CDH4: variants seen among roughly 807,000 people sequenced by gnomAD.
The protein encoded by CDH4 is cadherin-4.
A neutral mutation model predicts 86.0 loss-of-function variants in CDH4; 33 were observed. The observed-to-expected ratio is 0.38, with a 90% confidence interval of 0.29 to 0.51. CDH4 has a LOEUF of 0.51. Ranked by LOEUF, CDH4 falls within the 20% of genes least tolerant of loss-of-function variation. The pLI is 0.86. For missense variants in CDH4, 1,114 were observed against 1,307.4 expected (o/e 0.85, Z 2.28); for synonymous variants, 555 against 549.4 (o/e 1.01, Z -0.14).
chr20:61,485,060 C>T lies in CDH4; in HGVS notation c.169+230123C>T, dbSNP rs1057179831. The stretch of plus-strand genomic sequence containing the variant: ...AAATAAGAATTTCATCCCTTTCCAA[C>T]GGCAGCTTCATTTCGTGAAATGAAT... On this transcript the variant is annotated intron_variant, in intron 2 of 15. Transcript: ENST00000614565. Among the ~76,000 whole-genome samples, 8 of 152,160 alleles carry T rather than the reference C, an allele frequency of 5.3e-5. No homozygotes were observed. The East Asian group carries it at 1.5e-3, about 29-fold the overall frequency.
chr20:61,481,370 A>C (rs891362844), intron 2 of CDH4, among the ~76,000 whole-genome samples: 1 of 152,226 alleles, frequency 6.6e-6, no homozygotes, highest in Non-Finnish European at 1.5e-5. Context: ...CCTGGTCTGC[A>C]CTTGTCTGAG....
At chr20:61,540,577 T>C (rs1035287859) in intron 2 of CDH4, among the ~76,000 whole-genome samples, 3 of 152,098 alleles carry the variant, frequency 2.0e-5, no homozygotes, top group Admixed American at 2.0e-4. Context: ...CCATACGAAA[T>C]GCCGGCAGGA....
At chr20:61,843,808 T>C (rs1025727965) in intron 4 of CDH4, among the ~76,000 whole-genome samples, 3 of 152,070 alleles carry the variant, frequency 2.0e-5, no homozygotes, top group Non-Finnish European at 4.4e-5. Context: ...AGAAAAAAAG[T>C]AGTATATGCT....
chr20:61,895,261 G>T lies in CDH4; in HGVS notation c.1188+214G>T, dbSNP rs368396310. Among the ~76,000 whole-genome samples the T allele has an allele frequency of 1.1e-3, 162 of 152,364 alleles. 5 individuals are homozygous for T. The South Asian group carries it at 0.031, about 29-fold the overall frequency. On this transcript the variant is annotated intron_variant, in intron 8 of 15. Transcript: ENST00000614565. Reference sequence around the variant, plus strand: ...AGAGGCCGGGGCTCAGTCAGGGAGGGGACCGGCGGCGGAGGTCGGTTGCCA... The same window carrying T: ...AGAGGCCGGGGCTCAGTCAGGGAGGTGACCGGCGGCGGAGGTCGGTTGCCA...
In CDH4 at chr20:61,811,000, T is replaced by A. The variant is rs1980406435; in HGVS notation, c.577-33668T>A. Among the ~76,000 whole-genome samples the A allele has an allele frequency of 6.6e-6, 1 of 152,142 alleles. No individual in the cohort carries two copies. Among genetic ancestry groups the A allele is most frequent in the Non-Finnish European group, 1.5e-5 (1 of 68,024 alleles). On this transcript the variant is annotated intron_variant, in intron 4 of 15. Coordinates refer to ENST00000614565, the MANE Select transcript of CDH4 (RefSeq NM_001794.5). The surrounding 1 kb of genome is among the most constrained non-coding windows in gnomAD (Gnocchi z 4.3). Reference sequence around the variant, plus strand: ...GTAACGGGAGCTAGAAAGGAATCAGTCAAACGAACTCATGGCTCTTCATCC... The same window carrying A: ...GTAACGGGAGCTAGAAAGGAATCAGACAAACGAACTCATGGCTCTTCATCC...
At chr20:61,576,754 A>G (rs2086385144) in intron 2 of CDH4, among the ~76,000 whole-genome samples, 1 of 152,200 alleles carries the variant, frequency 6.6e-6, no homozygotes, top group South Asian at 2.1e-4. Flanking sequence ...CTGGGTGCTC[A>G]GAAATGTCAG....
chr20:61,740,217 G>A lies in CDH4; in HGVS notation c.170-3346G>A, dbSNP rs74596838. Among the ~76,000 whole-genome samples the A allele has an allele frequency of 6.7e-3, 1,019 of 152,276 alleles. 13 individuals are homozygous for A. The highest frequency in any genetic ancestry group is 0.022 in the African/African-American group (930 of 41,568). On this transcript the variant is annotated intron_variant, in intron 2 of 15. Coordinates refer to ENST00000614565, the MANE Select transcript of CDH4 (RefSeq NM_001794.5). ...AGCTTCCCAGTAGCCTAAGTAAAGA[G>A]GGAAACCATTTTTAGGCAATTCACA... is the stretch of plus-strand genomic sequence containing the variant.
chr20:61,349,330 G>A (rs904443657), intron 2 of CDH4, among the ~76,000 whole-genome samples: 2 of 152,244 alleles, frequency 1.3e-5, no homozygotes, highest in Admixed American at 1.3e-4. Context: ...CCCCAGCTCC[G>A]CAGCCGGGTG....
chr20:61,294,037 G>A (rs568656990), intron 2 of CDH4, among the ~76,000 whole-genome samples: 18 of 152,242 alleles, frequency 1.2e-4, no homozygotes, highest in African/African-American at 2.6e-4. Context: ...TGAAGGCCCC[G>A]GCAGGACAGG....
chr20:61,438,569 G>C (rs919777144), intron 2 of CDH4, among the ~76,000 whole-genome samples: 4 of 152,226 alleles, frequency 2.6e-5, no homozygotes, highest in African/African-American at 9.6e-5. Flanking sequence ...GTTGGCCATA[G>C]TCCTTAACTG....
intron 4 of CDH4, among the ~76,000 whole-genome samples, chr20:61,792,033 G>C (rs957590822): frequency 6.6e-6 from 1 of 152,142 alleles, no homozygotes; most frequent in African/African-American, 2.4e-5. Context: ...GATGCCTTTG[G>C]CTGCCTGGTG....
intron 8 of CDH4, among the ~76,000 whole-genome samples, chr20:61,906,684 C>T (rs1276230929): frequency 7.2e-5 from 11 of 151,968 alleles, no homozygotes; most frequent in Admixed American, 5.9e-4. Context: ...TGGGGCAAGA[C>T]GGTGTCCCCA....
chr20:61,858,862 T>A (rs1983190314), intron 6 of CDH4, among the ~76,000 whole-genome samples: 1 of 152,208 alleles, frequency 6.6e-6, no homozygotes, highest in South Asian at 2.1e-4. Context: ...TGAGCTGCTC[T>A]GAGCACCCAT....
chr20:61,468,508 G>T (rs1037188162), intron 2 of CDH4, among the ~76,000 whole-genome samples: 2 of 152,016 alleles, frequency 1.3e-5, no homozygotes, highest in African/African-American at 4.8e-5. Flanking sequence ...GGTAAATAAG[G>T]TATCCATCAC....
chr20:61,706,010 C>T lies in CDH4; in HGVS notation c.170-37553C>T, dbSNP rs369532607. Among the ~76,000 whole-genome samples the T allele has an allele frequency of 1.0e-3, 154 of 152,338 alleles. 1 individual carries two copies. Among genetic ancestry groups the T allele is most frequent in the African/African-American group, 3.6e-3 (149 of 41,592 alleles). The stretch of plus-strand genomic sequence containing the variant: ...TCTCCCCCACGGGTGCTGGCTTGGA[C>T]TGGACTTGGGATCTGAAAGCCCTGT... On this transcript the variant is annotated intron_variant, in intron 2 of 15. Transcript: ENST00000614565.
intron 9 of CDH4, among the ~76,000 whole-genome samples, chr20:61,912,348 A>G (rs2054860083): frequency 6.6e-6 from 1 of 152,214 alleles, no homozygotes; most frequent in African/African-American, 2.4e-5. Flanking sequence ...TTTCTCCAGG[A>G]TCTGTGTCTT....
intron 2 of CDH4, among the ~76,000 whole-genome samples, chr20:61,514,129 G>A (rs1248859325): frequency 1.3e-5 from 2 of 152,220 alleles, no homozygotes; most frequent in African/African-American, 4.8e-5. Context: ...AGTGAGGGCT[G>A]ACAGGTCATA....
chr20:61,461,275 G>A (rs1419651960), intron 2 of CDH4, among the ~76,000 whole-genome samples: 10 of 152,024 alleles, frequency 6.6e-5, no homozygotes, highest in Non-Finnish European at 1.2e-4. Flanking sequence ...AGCCTTATGC[G>A]TTCCCTGCAA....
At chr20:61,903,040 A>G (rs1359273260) in intron 8 of CDH4, among the ~76,000 whole-genome samples, 1 of 135,892 alleles carries the variant, frequency 7.4e-6, no homozygotes, top group Non-Finnish European at 1.6e-5. Context: ...AAAAAAAAAA[A>G]GACACACAGT....
Sources: allele counts gnomAD v4.1 joint callset (sites outside exome capture counted in the v4.1 genomes callset), GRCh38; gene constraint gnomAD v4.1.1; non-coding constraint Gnocchi (gnomAD v3.1); transcripts MANE v1.5; gene names NCBI Gene and HGNC (gene_info 2026-07-23, HGNC 2026-07-21).